VPS50: variants seen among roughly 807,000 people sequenced by gnomAD.
VPS50 encodes the protein VPS50 subunit of EARP/GARPII complex.
In VPS50, 70 loss-of-function variants were observed where a neutral mutation model predicts 139.7. The observed-to-expected ratio is 0.50, with a 90% CI of 0.41 to 0.61. The LOEUF is 0.61. Among genes scored for constraint, VPS50 ranks in the 20% least tolerant of loss-of-function variants. The probability of loss-of-function intolerance (pLI) is 0.00; values close to 1 mark genes in which losing one functional copy is unlikely to be tolerated. For synonymous variants in VPS50, 365 were observed against 376.7 expected (o/e 0.97, Z 0.36); for missense variants, 921 against 1,133.7 (o/e 0.81, Z 2.69).
chr7:93,352,399 TTAAAAA>T (rs1798586664), intron 25 of VPS50, among the ~76,000 whole-genome samples: 2 of 152,184 alleles, frequency 1.3e-5, no homozygotes, highest in South Asian at 4.1e-4. Flanking sequence ...CAACGAATTG[TTAAAAA>T]TAAATTAGCA....
At chr7:93,347,985 TA>T (rs765364604) in intron 23 of VPS50, among the ~76,000 whole-genome samples, 10 of 150,210 alleles carry the variant, frequency 6.7e-5, no homozygotes, top group African/African-American at 2.0e-4. Flanking sequence ...TAATAATAAT[TA>T]AAAAAAAGAA....
chr7:93,283,059 C>T (rs1379178058), intron 12 of VPS50, among the ~76,000 whole-genome samples: 2 of 151,790 alleles, frequency 1.3e-5, no homozygotes, highest in African/African-American at 4.8e-5. Context: ...CTCTCTGGAT[C>T]ATCAAAAATT....
intron 23 of VPS50, among the ~76,000 whole-genome samples, chr7:93,343,715 T>A (rs929052133): frequency 2.6e-5 from 4 of 152,180 alleles, no homozygotes; most frequent in African/African-American, 9.7e-5. Context: ...CAGAATTTCA[T>A]ATCCAGCCAA....
intron 13 of VPS50, 36 bp downstream of exon 13, chr7:93,291,871 A>T (rs1441518843): frequency 7.1e-7 from 1 of 1,414,088 alleles, no homozygotes; most frequent in East Asian, 2.5e-5. Flanking sequence ...TAAAAATTGA[A>T]CTATAAATAT....
intron 19 of VPS50, among the ~76,000 whole-genome samples, chr7:93,310,640 A>G (rs74912088): frequency 6.6e-6 from 1 of 151,982 alleles, no homozygotes; most frequent in African/African-American, 2.4e-5. Context: ...CTTCTTCTAC[A>G]TGCGAACGTG....
In VPS50 at chr7:93,358,475, C is replaced by T. The variant is rs372156123; in HGVS notation, c.*39C>T. ...CTTTCCTCAATGGCATTGATCCTCA[C>T]TCAACATATATGACCTGAAAGCCAG... On this transcript the variant is annotated 3_prime_UTR_variant, in exon 28 of 28. Transcript: ENST00000305866. 16 of 1,589,978 alleles carry T rather than the reference C, an allele frequency of 1.0e-5. 1 individual carries two copies. Among genetic ancestry groups the T allele is most frequent in the South Asian group, 5.6e-5 (5 of 89,784 alleles).
At chr7:93,236,932 T>C (rs527524771) in intron 1 of VPS50, among the ~76,000 whole-genome samples, 10 of 145,820 alleles carry the variant, frequency 6.9e-5, no homozygotes, top group Non-Finnish European at 1.5e-4. Context: ...TGACCTCTTT[T>C]ACTTCTTTTT....
chr7:93,237,371 T>C (rs1247753075), intron 1 of VPS50, among the ~76,000 whole-genome samples: 1 of 152,180 alleles, frequency 6.6e-6, no homozygotes, highest in African/African-American at 2.4e-5. Flanking sequence ...AGTGGTCTGC[T>C]CCAGAGCCCA....
intron 20 of VPS50, among the ~76,000 whole-genome samples, chr7:93,317,975 GA>G (rs891340969): frequency 1.4e-4 from 21 of 151,326 alleles, no homozygotes; most frequent in African/African-American, 3.2e-4. Context: ...TATCGTTTAA[GA>G]AAAAAATATT....
intron 25 of VPS50, among the ~76,000 whole-genome samples, chr7:93,351,361 TTC>T (rs1305054654): frequency 6.6e-6 from 1 of 152,190 alleles, no homozygotes; most frequent in Non-Finnish European, 1.5e-5. Flanking sequence ...ATGATACCCC[TTC>T]TTTTTTTTTT....
intron 16 of VPS50, among the ~76,000 whole-genome samples, chr7:93,299,070 T>G (rs930460195): frequency 6.6e-6 from 1 of 152,192 alleles, no homozygotes; most frequent in Admixed American, 6.5e-5. Context: ...CAGCAAAAAT[T>G]TAATTATTAC....
At chr7:93,309,938 C>T (rs543490759) in intron 19 of VPS50, among the ~76,000 whole-genome samples, 3 of 151,976 alleles carry the variant, frequency 2.0e-5, no homozygotes, top group East Asian at 1.9e-4. Flanking sequence ...CTTGAAATCT[C>T]GACTGAAATA....
chr7:93,341,846 C>T (rs1798220648), intron 23 of VPS50, among the ~76,000 whole-genome samples: 1 of 152,206 alleles, frequency 6.6e-6, no homozygotes, highest in Non-Finnish European at 1.5e-5. Context: ...CTTTAAAAAG[C>T]ATTATACTAT....
At chr7:93,327,194 A>G (rs1291775445) in intron 21 of VPS50, among the ~76,000 whole-genome samples, 1 of 152,208 alleles carries the variant, frequency 6.6e-6, no homozygotes, top group Non-Finnish European at 1.5e-5. Context: ...TGGTATGGTA[A>G]CCACTAGCCA....
chr7:93,256,643 A>AT (rs1427528219), intron 5 of VPS50, 81 bp downstream of exon 5: 2 of 748,524 alleles, frequency 2.7e-6, no homozygotes, highest in African/African-American at 1.9e-5. Context: ...AAAATATTGT[A>AT]TTTTTTGTCA....
chr7:93,343,005 G>A (rs1371780062), intron 23 of VPS50, among the ~76,000 whole-genome samples: 1 of 152,228 alleles, frequency 6.6e-6, no homozygotes, highest in Non-Finnish European at 1.5e-5. Flanking sequence ...CGAGCTGAGA[G>A]AAGAAGGCTT....
At chr7:93,267,788 T>C (rs914884556) in intron 9 of VPS50, among the ~76,000 whole-genome samples, 1 of 152,186 alleles carries the variant, frequency 6.6e-6, no homozygotes, top group Non-Finnish European at 1.5e-5. Context: ...GTACAAGAAC[T>C]GAGGGTGTGA....
At chr7:93,232,568 C>G in intron 1 of VPS50, 68 bp downstream of exon 1, 2 of 1,362,450 alleles carry the variant, frequency 1.5e-6, no homozygotes, top group Non-Finnish European at 2.1e-6. Context: ...GATGTTCTGT[C>G]CCCAACCAGT....
chr7:93,236,577 T>C (rs1346100229), intron 1 of VPS50, among the ~76,000 whole-genome samples: 3 of 152,104 alleles, frequency 2.0e-5, no homozygotes, highest in East Asian at 3.8e-4. Flanking sequence ...AACACAAACA[T>C]CAAATACAAA....
Sources: gnomAD v4.1 joint callset for allele counts (sites outside exome capture counted in the v4.1 genomes callset) on GRCh38, gnomAD v4.1.1 for gene constraint, MANE v1.5 for transcripts, NCBI Gene and HGNC (gene_info 2026-07-23, HGNC 2026-07-21) for gene names.